GRM8: variants seen among roughly 807,000 people sequenced by gnomAD.
GRM8 encodes glutamate metabotropic receptor 8.
GRM8 carries 47 observed loss-of-function variants against 87.2 expected under a neutral mutation model. The observed-to-expected ratio is 0.54, with a 90% CI of 0.43 to 0.69. GRM8 has a LOEUF of 0.69. GRM8 is among the 30% of genes least tolerant of loss of function. The probability of loss-of-function intolerance (pLI) is 0.00; values close to 1 mark genes in which losing one functional copy is unlikely to be tolerated. For synonymous variants in GRM8, 396 were observed against 404.5 expected, an observed-to-expected ratio of 0.98 and a Z score of 0.25; for missense variants, 1,019 against 1,139.2, an observed-to-expected ratio of 0.89 and a Z score of 1.52.
At chr7:127,101,159 A>G (rs1472108314) in intron 3 of GRM8, among the ~76,000 whole-genome samples, 1 of 152,154 alleles carries the variant, frequency 6.6e-6, no homozygotes, top group Non-Finnish European at 1.5e-5. Context: ...TCCCGTTACT[A>G]AATTCCATAG....
intron 6 of GRM8, among the ~76,000 whole-genome samples, chr7:126,826,937 A>C (rs1406478562): frequency 6.6e-6 from 1 of 152,188 alleles, no homozygotes; most frequent in Admixed American, 6.5e-5. Flanking sequence ...CCATATGGCT[A>C]ACCAGTTTTC....
chr7:127,052,141 G>A (rs538550261), intron 3 of GRM8, among the ~76,000 whole-genome samples: 21 of 152,186 alleles, frequency 1.4e-4, no homozygotes, highest in South Asian at 4.2e-4. Flanking sequence ...CAATTTATCC[G>A]AGTTGTAAAC....
chr7:127,009,889 G>T (rs1353050324), intron 3 of GRM8, among the ~76,000 whole-genome samples: 1 of 151,916 alleles, frequency 6.6e-6, no homozygotes, highest in Non-Finnish European at 1.5e-5. Context: ...TGTCACCCAG[G>T]CTGGACTGCA....
At chr7:126,893,048 A>G (rs1305118288) in intron 6 of GRM8, among the ~76,000 whole-genome samples, 1 of 152,108 alleles carries the variant, frequency 6.6e-6, no homozygotes, top group Non-Finnish European at 1.5e-5. Context: ...AAACCTTTTT[A>G]AATGACATTT....
At chr7:126,961,707 C>G (rs539772855) in intron 3 of GRM8, among the ~76,000 whole-genome samples, 13 of 152,244 alleles carry the variant, frequency 8.5e-5, no homozygotes, top group Non-Finnish European at 1.2e-4. Flanking sequence ...GAGTAGAGGC[C>G]CAGGAGCCTG....
intron 7 of GRM8, among the ~76,000 whole-genome samples, chr7:126,674,413 C>T (rs908667871): frequency 2.0e-5 from 3 of 152,190 alleles, no homozygotes; most frequent in African/African-American, 7.2e-5. Flanking sequence ...TACAGAAACA[C>T]TCACTGTTTG....
Position 126,961,895 on chromosome 7 carries a change from T to G in GRM8, c.728-57212A>C, listed in dbSNP as rs566247044. ...CTCTCTCAACTGTACTGGTTCTAAG[T>G]ATTTCTCTGTATCCAGCATAGAGGA... On this transcript the variant is annotated intron_variant, in intron 3 of 10. Transcript: ENST00000339582. Among the ~76,000 whole-genome samples, 25 of 152,298 alleles carry G rather than the reference T, an allele frequency of 1.6e-4. No homozygotes were observed. The East Asian group carries it at 4.1e-3, about 25-fold the overall frequency.
chr7:127,042,636 G>A (rs1338072746), intron 3 of GRM8, among the ~76,000 whole-genome samples: 3 of 152,156 alleles, frequency 2.0e-5, no homozygotes, highest in Non-Finnish European at 4.4e-5. Flanking sequence ...AGACTTAAAT[G>A]TTACACCTAA....
At chr7:127,121,715 G>A (rs1311034995) in intron 2 of GRM8, among the ~76,000 whole-genome samples, 3 of 152,224 alleles carry the variant, frequency 2.0e-5, no homozygotes, top group South Asian at 2.1e-4. Flanking sequence ...GAGAGTGCAC[G>A]CAAAGGGGGA....
At chr7:126,473,121 C>G (rs1223699504) in intron 9 of GRM8, among the ~76,000 whole-genome samples, 1 of 152,154 alleles carries the variant, frequency 6.6e-6, no homozygotes, top group Non-Finnish European at 1.5e-5. Flanking sequence ...GGGGCACTGC[C>G]TAGTGGAGCT....
chr7:126,861,742 A>G (rs1305491771), intron 6 of GRM8, among the ~76,000 whole-genome samples: 3 of 152,108 alleles, frequency 2.0e-5, no homozygotes, highest in East Asian at 3.9e-4. Context: ...ATTCTACTCA[A>G]TCAATTGGTT....
At chr7:127,141,606 C>T (rs1828258301) in intron 2 of GRM8, among the ~76,000 whole-genome samples, 1 of 152,136 alleles carries the variant, frequency 6.6e-6, no homozygotes, top group African/African-American at 2.4e-5. Flanking sequence ...ATCAATTTCT[C>T]TACCTCATCT....
chr7:127,243,904 T>A (rs1199787457), intron 1 of GRM8, among the ~76,000 whole-genome samples: 2 of 151,362 alleles, frequency 1.3e-5, no homozygotes, highest in East Asian at 1.9e-4. Flanking sequence ...AACAAAATCA[T>A]AATAAATATT....
intron 7 of GRM8, among the ~76,000 whole-genome samples, chr7:126,736,737 T>C (rs1814274094): frequency 6.6e-6 from 1 of 152,072 alleles, no homozygotes; most frequent in Non-Finnish European, 1.5e-5. Context: ...TTTGTAAATA[T>C]CCAAAGAGTC....
At chr7:126,472,599 T>C (rs774432287) in intron 9 of GRM8, among the ~76,000 whole-genome samples, 3 of 152,162 alleles carry the variant, frequency 2.0e-5, no homozygotes, top group Non-Finnish European at 2.9e-5. Flanking sequence ...CAATAGAAAG[T>C]GAAAACCCAT....
At chr7:126,602,193 CTTTCCCCATTGCT>C (rs1306682514) in intron 8 of GRM8, among the ~76,000 whole-genome samples, 1 of 142,662 alleles carries the variant, frequency 7.0e-6, no homozygotes, top group Admixed American at 7.2e-5. Flanking sequence ...ATAGGGAATC[CTTTCCCCATTGCT>C]TGTTTTTCTC....
chr7:126,594,419 A>G (rs1414916946), intron 8 of GRM8, among the ~76,000 whole-genome samples: 1 of 152,056 alleles, frequency 6.6e-6, no homozygotes, highest in Non-Finnish European at 1.5e-5. Context: ...AAAATAATGA[A>G]ATACTGTCAT....
chr7:126,554,286 G>T (rs952105378), intron 8 of GRM8, among the ~76,000 whole-genome samples: 12 of 151,728 alleles, frequency 7.9e-5, no homozygotes, highest in African/African-American at 2.9e-4. Context: ...CAAGCAAAAG[G>T]GTAATAAGGG....
intron 3 of GRM8, among the ~76,000 whole-genome samples, chr7:127,082,887 A>T (rs1227541245): frequency 2.0e-5 from 3 of 152,190 alleles, no homozygotes; most frequent in African/African-American, 7.2e-5. Flanking sequence ...TCACGCAGTG[A>T]TGTCACTAGG....
Sources: gnomAD v4.1 joint callset for allele counts (sites outside exome capture counted in the v4.1 genomes callset) on GRCh38, gnomAD v4.1.1 for gene constraint, MANE v1.5 for transcripts, NCBI Gene and HGNC (gene_info 2026-07-23, HGNC 2026-07-21) for gene names.